The following MMP16 variants were observed in gnomAD, a reference collection of about 807,000 sequenced individuals.
MMP16 encodes the protein matrix metallopeptidase 16.
A neutral mutation model predicts 67.8 loss-of-function variants in MMP16; 12 were observed. That is an observed-to-expected ratio of 0.18 (90% confidence interval 0.11 to 0.29). The LOEUF is 0.29. Among genes scored for constraint, MMP16 ranks in the 10% least tolerant of loss-of-function variants. The probability of loss-of-function intolerance (pLI) is 1.00; values close to 1 mark genes in which losing one functional copy is unlikely to be tolerated. For missense variants in MMP16, 475 were observed against 765.7 expected (o/e 0.62, Z 4.48); for synonymous variants, 249 against 255.9 (o/e 0.97, Z 0.26).
intron 1 of MMP16, among the ~76,000 whole-genome samples, chr8:88,278,074 G>A (rs766122173): frequency 6.6e-5 from 10 of 152,126 alleles, no homozygotes; most frequent in Non-Finnish European, 1.0e-4. Flanking sequence ...ATATTTGAAC[G>A]AAAAGACCAG....
In MMP16 at chr8:88,046,697, A is replaced by G. The variant is rs1466730056; in HGVS notation, c.1461T>C (p.Pro487=). The G allele has an allele frequency of 6.2e-7, 1 of 1,609,180 alleles. No individual in the cohort carries two copies. The highest frequency in any genetic ancestry group is 8.5e-7 in the Non-Finnish European group (1 of 1,178,460). ...TTTCTTTGTGTACAAATGCTCCCTGAGGAGATTCAGGGATCCCTTTCCAGA... is the reference window on the plus strand; with the variant it reads ...TTTCTTTGTGTACAAATGCTCCCTGGGGAGATTCAGGGATCCCTTTCCAGA... ...ITVWKGIPES[P]QGAFVHKENG... Residue 487 remains proline, a synonymous_variant, in exon 9 of 10, where the codon CCT becomes CCC. Transcript: ENST00000286614.
At chr8:88,235,365 C>T (rs1201033782) in intron 1 of MMP16, among the ~76,000 whole-genome samples, 20 of 142,764 alleles carry the variant, frequency 1.4e-4, no homozygotes, top group Admixed American at 1.2e-3. Context: ...GCACTCTACC[C>T]GGGCAACAGA....
At chr8:88,277,398 G>A (rs1034057102) in intron 1 of MMP16, among the ~76,000 whole-genome samples, 1 of 152,108 alleles carries the variant, frequency 6.6e-6, no homozygotes, top group South Asian at 2.1e-4. Context: ...CTCCACCCAG[G>A]TGTGCTATCA....
intron 1 of MMP16, among the ~76,000 whole-genome samples, chr8:88,324,871 A>G (rs1811513742): frequency 6.6e-6 from 1 of 152,096 alleles, no homozygotes; most frequent in African/African-American, 2.4e-5. Context: ...TCTAAAAAAA[A>G]GGGGGGGTAT....
chr8:88,310,241 C>T (rs765983602), intron 1 of MMP16, among the ~76,000 whole-genome samples: 6 of 152,114 alleles, frequency 3.9e-5, no homozygotes, highest in East Asian at 3.9e-4. Context: ...TTTATATAAA[C>T]GTTCTATTGG....
At chr8:88,114,552 GAC>G (rs1809396656) in intron 6 of MMP16, among the ~76,000 whole-genome samples, 1 of 151,878 alleles carries the variant, frequency 6.6e-6, no homozygotes, top group Admixed American at 6.6e-5. Context: ...AAGTACACTG[GAC>G]ACACAGACAC....
At chr8:88,137,763 C>T (rs1318222265) in intron 4 of MMP16, among the ~76,000 whole-genome samples, 1 of 151,822 alleles carries the variant, frequency 6.6e-6, no homozygotes, top group Non-Finnish European at 1.5e-5. Context: ...CATGTCTCTA[C>T]TCATTTTGCG....
intron 2 of MMP16, 31 bp downstream of exon 2, chr8:88,197,127 A>G (rs1450032697): frequency 1.3e-6 from 2 of 1,598,194 alleles, no homozygotes; most frequent in East Asian, 2.3e-5. Context: ...TCAAGGACCA[A>G]AAAGAAAGGA....
At chr8:88,283,105 T>C (rs564351720) in intron 1 of MMP16, among the ~76,000 whole-genome samples, 196 of 152,314 alleles carry the variant, frequency 1.3e-3, no homozygotes, top group Non-Finnish European at 2.5e-3. Context: ...CAACACATTC[T>C]GGGTACAATG....
chr8:88,280,144 T>G (rs2129991738), intron 1 of MMP16, among the ~76,000 whole-genome samples: 1 of 152,320 alleles, frequency 6.6e-6, no homozygotes, highest in East Asian at 1.9e-4. Flanking sequence ...ACTGCATCTG[T>G]TTTAAGTGGC....
chr8:88,130,565 G>A (rs896056507), intron 4 of MMP16, among the ~76,000 whole-genome samples: 2 of 151,610 alleles, frequency 1.3e-5, no homozygotes, highest in Non-Finnish European at 2.9e-5. Flanking sequence ...AATTATTTCA[G>A]TGTAGGTGCA....
chr8:88,312,802 C>T (rs1490118083), intron 1 of MMP16, among the ~76,000 whole-genome samples: 1 of 152,058 alleles, frequency 6.6e-6, no homozygotes, highest in Non-Finnish European at 1.5e-5. Flanking sequence ...AACCCCATCT[C>T]TACTAAGAAT....
chr8:88,206,071 T>G (rs993931951), intron 1 of MMP16, among the ~76,000 whole-genome samples: 1 of 142,124 alleles, frequency 7.0e-6, no homozygotes, highest in African/African-American at 3.0e-5. Context: ...CTGGCCTCTG[T>G]GTTTTCATAT....
chr8:88,302,005 A>T (rs1203695894), intron 1 of MMP16, among the ~76,000 whole-genome samples: 2 of 152,214 alleles, frequency 1.3e-5, no homozygotes, highest in Non-Finnish European at 2.9e-5. Context: ...TGATGCCAGA[A>T]TGCCTGCTTT....
At chr8:88,071,708 CA>C (rs1234739698) in intron 7 of MMP16, among the ~76,000 whole-genome samples, 1 of 152,074 alleles carries the variant, frequency 6.6e-6, no homozygotes, top group Admixed American at 6.6e-5. Context: ...TTCATTCGAT[CA>C]ATCTTTATTG....
At chr8:88,227,215 ATAACT>A (rs576678410) in intron 1 of MMP16, among the ~76,000 whole-genome samples, 1 of 152,106 alleles carries the variant, frequency 6.6e-6, no homozygotes, top group African/African-American at 2.4e-5. Flanking sequence ...GGAAAGGAAA[ATAACT>A]TAAATTCTTA....
chr8:88,056,115 A>G lies in MMP16; in HGVS notation c.1373+13T>C. On this transcript the variant is annotated intron_variant, in intron 8 of 9. Transcript: ENST00000286614. ...TTAATTAACTGTTTTTCTCATGAGA[A>G]GTGTATACTGACCTGTCTCCCTTGA... 6.7e-7 allele frequency: 1 copy of G among 1,484,880 alleles called. No homozygotes were observed. Among genetic ancestry groups the G allele is most frequent in the Non-Finnish European group, 9.0e-7 (1 of 1,109,912 alleles). 92.0% of individuals were successfully genotyped at this position (1,484,880 alleles called of 1,614,324 possible). A position where few individuals can be genotyped will look rare whatever the true frequency, so the allele number is the denominator to read the frequency against.
chr8:88,193,591 G>T (rs1195103524), intron 2 of MMP16, among the ~76,000 whole-genome samples: 1 of 151,928 alleles, frequency 6.6e-6, no homozygotes, highest in East Asian at 1.9e-4. Context: ...AGTAAGATTG[G>T]AATGATCTTA....
At chr8:88,155,340 G>C (rs1360743423) in intron 4 of MMP16, among the ~76,000 whole-genome samples, 1 of 151,920 alleles carries the variant, frequency 6.6e-6, no homozygotes, top group African/African-American at 2.4e-5. Flanking sequence ...TGCATAGTAG[G>C]GGTAAAAACA....
Sources: gnomAD v4.1 joint callset for allele counts (sites outside exome capture counted in the v4.1 genomes callset) on GRCh38, gnomAD v4.1.1 for gene constraint, MANE v1.5 for transcripts, NCBI Gene and HGNC (gene_info 2026-07-23, HGNC 2026-07-21) for gene names.